MAP4K3: variants seen among roughly 807,000 people sequenced by gnomAD.
The protein encoded by MAP4K3 is mitogen-activated protein kinase kinase kinase kinase 3, also known as MAPK/ERK kinase kinase kinase 3.
Under a neutral mutation model 143.5 loss-of-function variants are expected in MAP4K3, and 94 were observed. The ratio of observed to expected loss-of-function variants is 0.65; its 90% CI spans 0.55 to 0.78. The LOEUF (loss-of-function observed/expected upper bound fraction) is 0.78, where lower values mean the gene tolerates loss of function less well. MAP4K3 is among the 30% of genes least tolerant of loss of function. MAP4K3 has a pLI of 0.00. For missense variants in MAP4K3, 1,077 were observed against 1,068.1 expected, an observed-to-expected ratio of 1.01 and a Z score of -0.12; for synonymous variants, 416 against 347.2, an observed-to-expected ratio of 1.20 and a Z score of -2.20.
At chr2:39,269,237 G>A (rs925486092) in intron 26 of MAP4K3, among the ~76,000 whole-genome samples, 3 of 151,730 alleles carry the variant, frequency 2.0e-5, no homozygotes, top group African/African-American at 7.3e-5. Flanking sequence ...CACACAATTG[G>A]CAACTGAATG....
intron 19 of MAP4K3, 146 bp downstream of exon 19, chr2:39,290,146 A>C (rs573687437): frequency 5.2e-6 from 3 of 575,254 alleles, no homozygotes; most frequent in Admixed American, 3.7e-5. Flanking sequence ...AAATGAGACA[A>C]ACATAATAAA....
At chr2:39,359,991 A>G (rs1665721140) in intron 2 of MAP4K3, among the ~76,000 whole-genome samples, 2 of 152,244 alleles carry the variant, frequency 1.3e-5, no homozygotes, top group African/African-American at 4.8e-5. Context: ...TTAGTGATTA[A>G]CATTTGGCTC....
chr2:39,393,359 A>G (rs144295517), intron 1 of MAP4K3, among the ~76,000 whole-genome samples: 1 of 152,318 alleles, frequency 6.6e-6, no homozygotes, highest in African/African-American at 2.4e-5. Flanking sequence ...TCTCCTTAGA[A>G]GCCTTTTACT....
chr2:39,415,047 T>A (rs188436941), intron 1 of MAP4K3, among the ~76,000 whole-genome samples: 239 of 152,348 alleles, frequency 1.6e-3, no homozygotes, highest in Non-Finnish European at 2.7e-3. Context: ...CAAGAGGTTA[T>A]AAGCAATTCC....
At chr2:39,333,620 A>G (rs774136474) in intron 6 of MAP4K3, 46 bp from the exon 7 acceptor site, 1 of 1,066,586 alleles carries the variant, frequency 9.4e-7, no homozygotes. Context: ...TAGATATTTT[A>G]TCAGACAGCA....
intron 3 of MAP4K3, among the ~76,000 whole-genome samples, chr2:39,345,737 G>C (rs1053803581): frequency 1.8e-4 from 28 of 151,898 alleles, no homozygotes; most frequent in Admixed American, 1.8e-3. Flanking sequence ...GGCTAACACG[G>C]TGAAACCACG....
At chr2:39,343,305 T>C in intron 4 of MAP4K3, 83 bp downstream of exon 4, 3 of 912,560 alleles carry the variant, frequency 3.3e-6, no homozygotes, top group Non-Finnish European at 3.4e-6. Flanking sequence ...TTCCTTAAGA[T>C]AATGTTGATG....
chr2:39,347,826 A>G (rs887870154), intron 3 of MAP4K3, among the ~76,000 whole-genome samples: 2 of 152,086 alleles, frequency 1.3e-5, no homozygotes, highest in Non-Finnish European at 2.9e-5. Context: ...CTTCTTTCTT[A>G]TAAGTGGTCA....
intron 1 of MAP4K3, among the ~76,000 whole-genome samples, chr2:39,381,494 A>G (rs747482010): frequency 2.0e-4 from 31 of 152,212 alleles, no homozygotes; most frequent in Non-Finnish European, 4.3e-4. Context: ...ATGATGTCCA[A>G]CTTAACTAAT....
intron 6 of MAP4K3, 32 bp from the exon 7 acceptor site, chr2:39,333,606 G>C (rs748367814): frequency 6.1e-6 from 8 of 1,301,702 alleles, no homozygotes; most frequent in Middle Eastern, 3.7e-4. Context: ...GTTAGAGTAG[G>C]AAATAGATAT....
Position 39,317,615 on chromosome 2 carries a change from AAAG to A in MAP4K3, c.919-2230_919-2228del, listed in dbSNP as rs548579500. The stretch of plus-strand genomic sequence containing the variant: ...CAAAGGACATGACAGATACTTTTCA[AAAG>A]AAGACATATACACAGCCATCAAAAA... On this transcript the variant is annotated intron_variant, in intron 12 of 33. Transcript: ENST00000263881. Among the ~76,000 whole-genome samples the A allele has an allele frequency of 1.3e-3, 199 of 152,316 alleles. 3 individuals are homozygous for A. Among genetic ancestry groups the A allele is most frequent in the African/African-American group, 4.6e-3 (192 of 41,580 alleles).
intron 3 of MAP4K3, among the ~76,000 whole-genome samples, chr2:39,346,735 C>T (rs1313771782): frequency 2.0e-5 from 3 of 152,178 alleles, no homozygotes; most frequent in South Asian, 2.1e-4. Flanking sequence ...TTAATCTGCA[C>T]TAGTGGGTTT....
chr2:39,322,023 C>G (rs1321421923), intron 12 of MAP4K3, among the ~76,000 whole-genome samples: 1 of 136,396 alleles, frequency 7.3e-6, no homozygotes, highest in Non-Finnish European at 1.6e-5. Flanking sequence ...CCTGGGTCCC[C>G]TTATTTCTTT....
At chr2:39,374,079 A>G (rs1170469774) in intron 2 of MAP4K3, among the ~76,000 whole-genome samples, 1 of 152,206 alleles carries the variant, frequency 6.6e-6, no homozygotes, top group African/African-American at 2.4e-5. Flanking sequence ...CCAGAAATAT[A>G]TATGCCTACT....
intron 1 of MAP4K3, among the ~76,000 whole-genome samples, chr2:39,385,391 G>A (rs1024081313): frequency 4.0e-5 from 6 of 151,794 alleles, no homozygotes; most frequent in Non-Finnish European, 8.8e-5. Context: ...GTAGGTAAAT[G>A]CTATTTCATG....
chr2:39,267,647 T>C (rs1201890455), intron 26 of MAP4K3, among the ~76,000 whole-genome samples: 1 of 143,540 alleles, frequency 7.0e-6, no homozygotes, highest in Non-Finnish European at 1.5e-5. Flanking sequence ...CACTCCAGCC[T>C]GGGCAACAAC....
chr2:39,282,444 A>T, intron 22 of MAP4K3, 69 bp downstream of exon 22: 1 of 1,260,546 alleles, frequency 7.9e-7, no homozygotes, highest in Non-Finnish European at 1.1e-6. Flanking sequence ...AGACAAAAAA[A>T]CCTAAGCAAA....
intron 1 of MAP4K3, among the ~76,000 whole-genome samples, chr2:39,434,066 T>C (rs905647268): frequency 5.9e-5 from 9 of 152,208 alleles, no homozygotes; most frequent in African/African-American, 2.2e-4. Flanking sequence ...AATATGTTAT[T>C]ACATTGAGTA....
rs199710753 is a variant in MAP4K3 at position 39,327,539 on chromosome 2, T to G, written c.531-1262A>C. Among the ~76,000 whole-genome samples, 20 of 152,284 alleles carry G rather than the reference T, an allele frequency of 1.3e-4. No individual in the cohort carries two copies. The East Asian group carries it at 3.7e-3, about 28-fold the overall frequency. ...AACTAATTGAAATAAACATCTCAAC[T>G]CTTCCATACTAAAGAGCAGTCTAGA... is the stretch of plus-strand genomic sequence containing the variant. On this transcript the variant is annotated intron_variant, in intron 8 of 33. Coordinates refer to ENST00000263881, the MANE Select transcript of MAP4K3 (RefSeq NM_003618.4).
Sources: gnomAD v4.1 joint callset for allele counts (sites outside exome capture counted in the v4.1 genomes callset) on GRCh38, gnomAD v4.1.1 for gene constraint, MANE v1.5 for transcripts, NCBI Gene and HGNC (gene_info 2026-07-23, HGNC 2026-07-21) for gene names.